MAMLD1: variants seen among roughly 807,000 people sequenced by gnomAD.
MAMLD1 encodes the protein mastermind like domain containing 1.
A neutral mutation model predicts 45.0 loss-of-function variants in MAMLD1; 14 were observed. That is an observed-to-expected ratio of 0.31 (90% CI 0.21 to 0.49). MAMLD1 has a LOEUF of 0.49. Among genes scored for constraint, MAMLD1 ranks in the 20% least tolerant of loss-of-function variants. The pLI is 0.99. For synonymous variants in MAMLD1, 254 were observed against 247.8 expected (o/e 1.02, Z -0.24); for missense variants, 543 against 603.6 (o/e 0.90, Z 1.05).
Position 150,513,029 on chromosome X carries a change from G to C in MAMLD1, c.*1070G>C, listed in dbSNP as rs2037949421. 2 of 1,153,428 alleles carry C rather than the reference G, an allele frequency of 1.7e-6. No individual in the cohort carries two copies. The highest frequency in any genetic ancestry group is 2.3e-6 in the Non-Finnish European group (2 of 870,559). On this transcript the variant is annotated 3_prime_UTR_variant, in exon 8 of 8. Coordinates refer to ENST00000370401, the MANE Select transcript of MAMLD1 (RefSeq NM_005491.5). ...GCATGCTGCTGCTCAAAATGCCACAGCCCAGAATTCTGGGCAAGTCACCCA... is the reference window on the plus strand; with the variant it reads ...GCATGCTGCTGCTCAAAATGCCACACCCCAGAATTCTGGGCAAGTCACCCA...
intron 5 of MAMLD1, among the ~76,000 whole-genome samples, chrX:150,481,945 AAAAGAAAGAAAGAAAGAAAAAAG>A (rs1466143398): frequency 1.4e-4 from 13 of 95,847 alleles, no homozygotes; most frequent in African/African-American, 4.6e-4. Context: ...AAAGAAAGAA[AAAAGAAAGAAAGAAAGAAAAAAG>A]AAAGAAAGAA....
chrX:150,413,575 A>G (rs12848502), intron 1 of MAMLD1, among the ~76,000 whole-genome samples: 42,465 of 108,678 alleles, frequency 0.39, 6,579 homozygotes, highest in Middle Eastern at 0.49. Context: ...AGGAAAGGGG[A>G]GAGGTAGCAG....
intron 2 of MAMLD1, among the ~76,000 whole-genome samples, chrX:150,461,883 C>A (rs1448110068): frequency 8.9e-6 from 1 of 112,256 alleles, no homozygotes; most frequent in Non-Finnish European, 1.9e-5. Context: ...AAACAGATTT[C>A]TTTTAACTAT....
chrX:150,376,274 TG>T (rs2032311746), intron 1 of MAMLD1, among the ~76,000 whole-genome samples: 1 of 112,380 alleles, frequency 8.9e-6, no homozygotes, highest in Non-Finnish European at 1.9e-5. Flanking sequence ...GTTGTATTTT[TG>T]TTTGGGTAGG....
At chrX:150,403,956 G>GAAAGA (rs2033907998) in intron 1 of MAMLD1, among the ~76,000 whole-genome samples, 2 of 75,701 alleles carry the variant, frequency 2.6e-5, no homozygotes, top group African/African-American at 1.1e-4. Context: ...AAGAAAGAAA[G>GAAAGA]AAAGAAAGAA....
chrX:150,368,381 T>A (rs1557400845), intron 1 of MAMLD1, among the ~76,000 whole-genome samples: 2 of 110,257 alleles, frequency 1.8e-5, no homozygotes, highest in African/African-American at 6.7e-5. Flanking sequence ...TCTGTTCATA[T>A]CCTTCGCCCA....
intron 2 of MAMLD1, among the ~76,000 whole-genome samples, chrX:150,458,105 T>A (rs1338643572): frequency 1.8e-5 from 2 of 111,047 alleles, no homozygotes; most frequent in African/African-American, 3.3e-5. Context: ...GGGGTCGATA[T>A]CTCTGCAGGC....
chrX:150,398,323 GAA>G (rs1569564598), intron 1 of MAMLD1, among the ~76,000 whole-genome samples: 51 of 91,219 alleles, frequency 5.6e-4, no homozygotes, highest in African/African-American at 1.2e-3. Context: ...AGAAGAAGAA[GAA>G]GAAGAAGAAG....
intron 2 of MAMLD1, 28 bp from the exon 3 acceptor site, chrX:150,462,744 G>T: frequency 9.2e-7 from 1 of 1,092,181 alleles, no homozygotes; most frequent in Non-Finnish European, 1.3e-6. Context: ...TGTGCAAGTG[G>T]CTCTCCTCAG....
intron 3 of MAMLD1, among the ~76,000 whole-genome samples, chrX:150,464,618 C>T (rs782288658): frequency 6.2e-5 from 7 of 112,074 alleles, no homozygotes; most frequent in Non-Finnish European, 9.4e-5. Context: ...CTCTCCTCCT[C>T]GCTCTCACTC....
At chrX:150,403,976 G>GAAAGAAA (rs1468359581) in intron 1 of MAMLD1, among the ~76,000 whole-genome samples, 1 of 92,313 alleles carries the variant, frequency 1.1e-5, no homozygotes, top group South Asian at 4.9e-4. Context: ...AAGAAAGAAA[G>GAAAGAAA]AAAGAAAGAA....
intron 3 of MAMLD1, among the ~76,000 whole-genome samples, chrX:150,464,558 G>A (rs782700410): frequency 1.8e-5 from 2 of 112,160 alleles, no homozygotes; most frequent in Admixed American, 1.9e-4. Flanking sequence ...TATACACACG[G>A]ATATTCCTTT....
At chrX:150,497,261 A>T (rs1273202272) in intron 5 of MAMLD1, among the ~76,000 whole-genome samples, 1 of 108,337 alleles carries the variant, frequency 9.2e-6, no homozygotes, top group South Asian at 3.9e-4. Context: ...TTTCTTTTTT[A>T]AAAAATTTTT....
chrX:150,427,615 G>A (rs1342901199), intron 1 of MAMLD1, among the ~76,000 whole-genome samples: 1 of 111,548 alleles, frequency 9.0e-6, no homozygotes, highest in Non-Finnish European at 1.9e-5. Context: ...GAAGCTATTA[G>A]GATGAGGGAC....
rs782476761 is a variant in MAMLD1 at position 150,512,861 on chromosome X, C to A, written c.*902C>A. 19 of 1,154,033 alleles carry A rather than the reference C, an allele frequency of 1.6e-5. No individual in the cohort carries two copies. In the South Asian group the frequency reaches 3.4e-4, roughly 21 times the overall value. On this transcript the variant is annotated 3_prime_UTR_variant, in exon 8 of 8. Coordinates refer to ENST00000370401, the MANE Select transcript of MAMLD1 (RefSeq NM_005491.5). ...GCCACCTGCCGACTTTTTGCGCCAG[C>A]CCCAACCCCCACTAAATGATCTGAT...
intron 3 of MAMLD1, among the ~76,000 whole-genome samples, chrX:150,467,118 A>G (rs1402023246): frequency 9.0e-6 from 1 of 110,943 alleles, no homozygotes; most frequent in Non-Finnish European, 1.9e-5. Context: ...GACTCCCTGC[A>G]GGGGATCCTT....
intron 2 of MAMLD1, among the ~76,000 whole-genome samples, chrX:150,455,850 G>C (rs57941970): frequency 0.075 from 8,040 of 107,047 alleles, 773 homozygotes; most frequent in African/African-American, 0.26. Flanking sequence ...GGAGTGTGTA[G>C]TGGTCCAGTC....
chrX:150,437,998 A>G (rs1451756119), intron 1 of MAMLD1, among the ~76,000 whole-genome samples: 3 of 110,065 alleles, frequency 2.7e-5, no homozygotes, highest in Admixed American at 9.6e-5. Flanking sequence ...TTCACTTACA[A>G]TCATTCTCTA....
chrX:150,362,150 G>A (rs1018438067), upstream of MAMLD1, among the ~76,000 whole-genome samples: 3 of 112,220 alleles, frequency 2.7e-5, no homozygotes, highest in African/African-American at 6.5e-5. Flanking sequence ...TGGCAGTCAG[G>A]GCGCGAGCTG....
Sources: allele counts gnomAD v4.1 joint callset (sites outside exome capture counted in the v4.1 genomes callset), GRCh38; gene constraint gnomAD v4.1.1; transcripts MANE v1.5; gene names NCBI Gene and HGNC (gene_info 2026-07-23, HGNC 2026-07-21).